The following LRTM1 variants were observed in gnomAD, a reference collection of about 807,000 sequenced individuals.
LRTM1 encodes leucine rich repeat transmembrane protein 1.
A neutral mutation model predicts 32.4 loss-of-function variants in LRTM1; 38 were observed. The observed-to-expected ratio is 1.17, with a 90% confidence interval of 0.91 to 1.54. The LOEUF (loss-of-function observed/expected upper bound fraction) is 1.54. LRTM1 is among the 40% of genes most tolerant of loss of function. The pLI is 0.00. For synonymous variants in LRTM1, 186 were observed against 169.9 expected (o/e 1.09, Z -0.74); for missense variants, 466 against 415.4 (o/e 1.12, Z -1.06).
intron 1 of LRTM1, among the ~76,000 whole-genome samples, chr3:54,943,654 A>G (rs772571808): frequency 2.6e-5 from 4 of 151,616 alleles, no homozygotes; most frequent in East Asian, 3.9e-4. Context: ...ATTTTCCCCC[A>G]TGTGTTTCAT....
chr3:54,948,857 C>T (rs925127029), intron 1 of LRTM1, among the ~76,000 whole-genome samples: 1 of 152,174 alleles, frequency 6.6e-6, no homozygotes, highest in Non-Finnish European at 1.5e-5. Flanking sequence ...CCACCAAACT[C>T]AGATTGGTTT....
chr3:54,929,350 G>C (rs1006615510), upstream of LRTM1, among the ~76,000 whole-genome samples: 3 of 152,182 alleles, frequency 2.0e-5, no homozygotes, highest in African/African-American at 7.2e-5. Context: ...CAACTTCTGA[G>C]GACAACCTGG....
Position 54,918,422 on chromosome 3 carries a change from G to A in LRTM1, c.*37C>T, listed in dbSNP as rs1559628435. ...CAGCCCTACTCAGACACTATCTTCT[G>A]GCCTGCAATGACCAATCCTATTTGA... is the stretch of plus-strand genomic sequence containing the variant. On this transcript the variant is annotated 3_prime_UTR_variant, in exon 3 of 3. Coordinates refer to ENST00000273286, the MANE Select transcript of LRTM1 (RefSeq NM_020678.4). The A allele has an allele frequency of 6.5e-7, 1 of 1,541,616 alleles. No homozygotes were observed. The highest frequency in any genetic ancestry group is 8.8e-7 in the Non-Finnish European group (1 of 1,139,218).
chr3:54,918,782 G>T lies in LRTM1; in HGVS notation c.715C>A (p.Pro239Thr). The stretch of plus-strand genomic sequence containing the variant: ...GGCCACTGAGCCTGCGAGGACACTG[G>T]ATCAGGAGCAGGAAGAGGGCAGGGC... ...YQPCPLPAPDPVSSQAQWPGS... is the reference protein window; with the variant it reads ...YQPCPLPAPDTVSSQAQWPGS... The change falls in exon 3 of 3, where the codon CCA becomes ACA. Residue 239 changes from proline (P) to threonine (T), a missense_variant. By Grantham distance (38) the Pro-to-Thr change is conservative. Coordinates refer to ENST00000273286, the MANE Select transcript of LRTM1 (RefSeq NM_020678.4). 2 of 1,614,134 alleles carry T rather than the reference G, an allele frequency of 1.2e-6. No individual in the cohort carries two copies. Among genetic ancestry groups the T allele is most frequent in the Non-Finnish European group, 1.7e-6 (2 of 1,180,002 alleles).
intron 1 of LRTM1, among the ~76,000 whole-genome samples, chr3:54,938,655 C>T (rs1313887022): frequency 6.6e-6 from 1 of 151,452 alleles, no homozygotes; most frequent in Admixed American, 6.6e-5. Flanking sequence ...GATATAGACT[C>T]AGTGTCTTCT....
chr3:54,956,500 C>A (rs554629543), intron 1 of LRTM1, among the ~76,000 whole-genome samples: 1 of 152,172 alleles, frequency 6.6e-6, no homozygotes, highest in Non-Finnish European at 1.5e-5. Flanking sequence ...ATGGTCTTAA[C>A]GTTCTCAGTC....
At chr3:54,955,468 G>GA (rs148881229) in intron 1 of LRTM1, among the ~76,000 whole-genome samples, 2,625 of 151,690 alleles carry the variant, frequency 0.017, 88 homozygotes, top group African/African-American at 0.059. Context: ...AAAGAAAAAA[G>GA]AAAAAAAAGC....
intron 1 of LRTM1, among the ~76,000 whole-genome samples, chr3:54,953,426 A>G (rs985992711): frequency 3.9e-5 from 6 of 152,096 alleles, no homozygotes; most frequent in African/African-American, 1.4e-4. Context: ...AGACTCATGA[A>G]ATTCCCCACC....
chr3:54,918,974 C>A, intron 2 of LRTM1, 82 bp from the exon 3 acceptor site: 1 of 1,174,044 alleles, frequency 8.5e-7, no homozygotes, highest in Non-Finnish European at 1.1e-6. Context: ...AAAACTTAGG[C>A]AGATGGAATT....
At chr3:54,955,232 A>G (rs888342956) in intron 1 of LRTM1, among the ~76,000 whole-genome samples, 10 of 152,180 alleles carry the variant, frequency 6.6e-5, no homozygotes, top group Non-Finnish European at 1.0e-4. Flanking sequence ...GGAGACGGGC[A>G]GACATTAGGG....
chr3:54,951,077 C>CA (rs1575401734), intron 1 of LRTM1, among the ~76,000 whole-genome samples: 1 of 152,110 alleles, frequency 6.6e-6, no homozygotes, highest in East Asian at 1.9e-4. Context: ...TATATGCTGC[C>CA]AAAAAAATCT....
intron 1 of LRTM1, among the ~76,000 whole-genome samples, chr3:54,944,814 G>GGTGTGT (rs34193625): frequency 6.8e-4 from 76 of 111,408 alleles, no homozygotes; most frequent in African/African-American, 2.9e-3. Context: ...TAGAGCTGGG[G>GGTGTGT]GTGTGTGTGT....
intron 1 of LRTM1, among the ~76,000 whole-genome samples, chr3:54,956,673 T>G (rs1292275658): frequency 6.6e-6 from 1 of 152,198 alleles, no homozygotes; most frequent in African/African-American, 2.4e-5. Context: ...ATTAGGTAAT[T>G]TGTTCTCAGA....
chr3:54,939,675 T>C (rs1378901983), intron 1 of LRTM1, among the ~76,000 whole-genome samples: 1 of 152,160 alleles, frequency 6.6e-6, no homozygotes, highest in Admixed American at 6.5e-5. Context: ...CTGGGACACA[T>C]TTGTCATGGC....
chr3:54,934,509 T>A (rs1701281614), intron 1 of LRTM1, among the ~76,000 whole-genome samples: 1 of 152,204 alleles, frequency 6.6e-6, no homozygotes, highest in South Asian at 2.1e-4. Flanking sequence ...GAACTCCCTT[T>A]AGCAGGCCTT....
chr3:54,966,716 G>A (rs1702159519), intron 1 of LRTM1, among the ~76,000 whole-genome samples: 2 of 152,154 alleles, frequency 1.3e-5, no homozygotes, highest in African/African-American at 4.8e-5. Context: ...CTACTCGGGA[G>A]GCTGAGGCAT....
chr3:54,927,812 C>G (rs1469133765), intron 1 of LRTM1, 93 bp downstream of exon 1: 1 of 1,371,046 alleles, frequency 7.3e-7, no homozygotes, highest in Non-Finnish European at 1.0e-6. Flanking sequence ...AGACAGACGA[C>G]TTGAAAATAG....
intron 1 of LRTM1, among the ~76,000 whole-genome samples, chr3:54,944,396 G>GTATTTATTTATTTATT (rs542683931): frequency 4.0e-5 from 6 of 148,538 alleles, no homozygotes; most frequent in East Asian, 4.0e-4. Flanking sequence ...ATTTCCCAGG[G>GTATTTATTTATTTATT]TATTTATTTA....
upstream of LRTM1, among the ~76,000 whole-genome samples, chr3:54,930,738 G>A (rs115502371): frequency 3.9e-3 from 587 of 152,308 alleles, 3 homozygotes; most frequent in African/African-American, 0.013. Context: ...CTACCTCGCC[G>A]GAGGCAGGGA....
Sources: allele counts gnomAD v4.1 joint callset (sites outside exome capture counted in the v4.1 genomes callset), GRCh38; gene constraint gnomAD v4.1.1; transcripts MANE v1.5; gene names NCBI Gene and HGNC (gene_info 2026-07-23, HGNC 2026-07-21).